Variants in PALM2AKAP2 observed in about 807,000 individuals in gnomAD.
PALM2AKAP2 encodes the protein PALM2 and AKAP2 fusion.
Under a neutral mutation model 71.5 loss-of-function variants are expected in PALM2AKAP2, and 37 were observed. That is an observed-to-expected ratio of 0.52 (90% CI 0.40 to 0.68). The LOEUF (loss-of-function observed/expected upper bound fraction) is 0.68, where lower values mean the gene tolerates loss of function less well. Among genes scored for constraint, PALM2AKAP2 ranks in the 30% least tolerant of loss-of-function variants. The probability of loss-of-function intolerance (pLI) is 0.00; values close to 1 mark genes in which losing one functional copy is unlikely to be tolerated. For synonymous variants in PALM2AKAP2, 468 were observed against 478.8 expected, an observed-to-expected ratio of 0.98 and a Z score of 0.29; for missense variants, 1,224 against 1,191.8, an observed-to-expected ratio of 1.03 and a Z score of -0.40.
intron 6 of PALM2AKAP2, among the ~76,000 whole-genome samples, chr9:109,995,445 C>T (rs1319407636): frequency 2.6e-5 from 4 of 152,164 alleles, no homozygotes; most frequent in Admixed American, 2.0e-4. Flanking sequence ...TCTATCCTCA[C>T]GCTGCTAAAA....
intron 6 of PALM2AKAP2, among the ~76,000 whole-genome samples, chr9:109,959,525 G>C (rs1381959946): frequency 2.0e-5 from 3 of 151,680 alleles, no homozygotes; most frequent in African/African-American, 7.3e-5. Flanking sequence ...GGCGCCTGTA[G>C]TCCCAGCTAC....
chr9:109,954,798 A>C (rs2132093320), intron 6 of PALM2AKAP2, among the ~76,000 whole-genome samples: 1 of 152,286 alleles, frequency 6.6e-6, no homozygotes, highest in South Asian at 2.1e-4. Flanking sequence ...ACAGCAATTA[A>C]AAATCATTTT....
rs567483427 is a variant in PALM2AKAP2, at chr9:109,905,027, A to G, written c.258-18708A>G. ...TTTGTATCTGGAGGTTCCAATTTGC[A>G]GTCTCCTGGGTGTAAGGAAAATTCT... On this transcript the variant is annotated intron_variant, in intron 3 of 9. Transcript: ENST00000302798. Among the ~76,000 whole-genome samples, 6 of 152,280 alleles carry G rather than the reference A, an allele frequency of 3.9e-5. No individual in the cohort carries two copies. In the East Asian group the frequency reaches 5.8e-4, roughly 15 times the overall value.
At chr9:110,135,174 T>TAA (rs1835829343) in intron 1 of PALM2AKAP2, among the ~76,000 whole-genome samples, 1 of 76,142 alleles carries the variant, frequency 1.3e-5, no homozygotes. Flanking sequence ...AATATATAAA[T>TAA]ATATATATAT....
intron 1 of PALM2AKAP2, among the ~76,000 whole-genome samples, chr9:110,102,730 C>T (rs1352076148): frequency 6.6e-6 from 1 of 152,158 alleles, no homozygotes; most frequent in Admixed American, 6.5e-5. Flanking sequence ...AACAAGACCA[C>T]GTCATTCCCC....
chr9:110,056,853 A>T (rs1379407691), intron 1 of PALM2AKAP2, among the ~76,000 whole-genome samples: 1 of 152,114 alleles, frequency 6.6e-6, no homozygotes, highest in Non-Finnish European at 1.5e-5. Flanking sequence ...TTTAAGTATT[A>T]TTTTTATGGT....
intron 1 of PALM2AKAP2, among the ~76,000 whole-genome samples, chr9:109,792,470 C>G (rs1827140390): frequency 6.6e-6 from 1 of 152,160 alleles, no homozygotes; most frequent in Admixed American, 6.5e-5. Flanking sequence ...AATTTGAACA[C>G]ATGCGTAGAT....
chr9:109,741,296 C>A (rs1002271506), intron 1 of PALM2AKAP2, among the ~76,000 whole-genome samples: 1 of 152,154 alleles, frequency 6.6e-6, no homozygotes, highest in East Asian at 1.9e-4. Flanking sequence ...AAATATCCAT[C>A]GTTCATTGCT....
intron 2 of PALM2AKAP2, among the ~76,000 whole-genome samples, chr9:110,152,428 T>C (rs1171287790): frequency 6.6e-6 from 1 of 152,104 alleles, no homozygotes; most frequent in Non-Finnish European, 1.5e-5. Context: ...GGGGAAGTTC[T>C]GGGTGAGATG....
chr9:110,059,393 T>G (rs191563676), intron 1 of PALM2AKAP2, among the ~76,000 whole-genome samples: 3 of 152,328 alleles, frequency 2.0e-5, no homozygotes, highest in African/African-American at 7.2e-5. Flanking sequence ...TATGTCCTCC[T>G]GCTTTCTTTA....
chr9:109,963,155 G>C (rs1831882786), intron 6 of PALM2AKAP2, among the ~76,000 whole-genome samples: 1 of 152,108 alleles, frequency 6.6e-6, no homozygotes, highest in African/African-American at 2.4e-5. Flanking sequence ...CCCAGGGGAG[G>C]GTATTGCAGA....
At chr9:109,924,197 C>G (rs1330042036) in intron 4 of PALM2AKAP2, among the ~76,000 whole-genome samples, 1 of 152,202 alleles carries the variant, frequency 6.6e-6, no homozygotes, top group Non-Finnish European at 1.5e-5. Context: ...TAAACATGCT[C>G]TTTGTGGCTT....
At chr9:109,816,852 G>A (rs1338722401) in intron 1 of PALM2AKAP2, among the ~76,000 whole-genome samples, 1 of 152,118 alleles carries the variant, frequency 6.6e-6, no homozygotes, top group East Asian at 1.9e-4. Context: ...AAAGAAAAGT[G>A]CCAAACCCAC....
intron 5 of PALM2AKAP2, among the ~76,000 whole-genome samples, chr9:109,928,675 C>CTT (rs35829270): frequency 0.14 from 20,612 of 143,034 alleles, 1,874 homozygotes; most frequent in East Asian, 0.25. Context: ...CTCTCGCTCT[C>CTT]TTTTTTTTTT....
At chr9:109,857,472 G>A (rs143614397) in intron 1 of PALM2AKAP2, among the ~76,000 whole-genome samples, 3 of 152,320 alleles carry the variant, frequency 2.0e-5, no homozygotes, top group East Asian at 1.9e-4. Flanking sequence ...AATGTAAGAG[G>A]CCTCCTTTTT....
At chr9:109,750,685 G>A (rs1326206671) in intron 1 of PALM2AKAP2, among the ~76,000 whole-genome samples, 1 of 151,644 alleles carries the variant, frequency 6.6e-6, no homozygotes, top group Non-Finnish European at 1.5e-5. Context: ...TGGGATTGAG[G>A]CAAGTTCTGG....
chr9:109,863,461 T>A (rs1317506146), intron 1 of PALM2AKAP2, among the ~76,000 whole-genome samples: 1 of 152,122 alleles, frequency 6.6e-6, no homozygotes, highest in East Asian at 1.9e-4. Context: ...GGTGACTGCA[T>A]GTGTTTGAGT....
rs57176712 is a variant in PALM2AKAP2 at position 109,910,418 on chromosome 9, G to T, written c.258-13317G>T. Among the ~76,000 whole-genome samples, 983 of 152,326 alleles carry T rather than the reference G, an allele frequency of 6.5e-3. 11 individuals are homozygous for T. The highest frequency in any genetic ancestry group is 0.022 in the African/African-American group (927 of 41,562). Reference sequence around the variant, plus strand: ...GTTTGGATAGATTTAAGCATGTTCGGTAGGAATTAAAGCATGAGGCTGGAC... The same window carrying T: ...GTTTGGATAGATTTAAGCATGTTCGTTAGGAATTAAAGCATGAGGCTGGAC... On this transcript the variant is annotated intron_variant, in intron 3 of 9. Coordinates refer to the PALM2AKAP2 transcript ENST00000302798.
chr9:109,673,072 C>CT (rs1827599006), intron 1 of PALM2AKAP2, among the ~76,000 whole-genome samples: 2 of 151,232 alleles, frequency 1.3e-5, no homozygotes, highest in African/African-American at 4.8e-5. Flanking sequence ...CTTTTGAATG[C>CT]TTTTTGTGTA....
Sources: allele counts gnomAD v4.1 joint callset (sites outside exome capture counted in the v4.1 genomes callset), GRCh38; gene constraint gnomAD v4.1.1; transcripts MANE v1.5; gene names NCBI Gene and HGNC (gene_info 2026-07-23, HGNC 2026-07-21).